Variants in RHPN2 observed in about 807,000 individuals in gnomAD.
The protein encoded by RHPN2 is rhophilin-2.
A neutral mutation model predicts 79.0 loss-of-function variants in RHPN2; 40 were observed. The ratio of observed to expected loss-of-function variants is 0.51; its 90% CI spans 0.39 to 0.66. The LOEUF is 0.66. Ranked by LOEUF, RHPN2 falls within the 30% of genes least tolerant of loss-of-function variation. The pLI is 0.00. For missense variants in RHPN2, 686 were observed against 883.5 expected (o/e 0.78, Z 2.83); for synonymous variants, 285 against 363.5 (o/e 0.78, Z 2.46).
chr19:33,036,588 G>A (rs1488469626), intron 2 of RHPN2, among the ~76,000 whole-genome samples: 1 of 152,180 alleles, frequency 6.6e-6, no homozygotes, highest in African/African-American at 2.4e-5. Flanking sequence ...GCCCCTTTCT[G>A]GGCTGGCCAA....
chr19:33,039,403 G>C (rs1568323377), intron 2 of RHPN2, among the ~76,000 whole-genome samples: 1 of 152,072 alleles, frequency 6.6e-6, no homozygotes, highest in African/African-American at 2.4e-5. Context: ...GACAGCCAAG[G>C]CCACCTCACG....
At chr19:32,981,118 C>G (rs1415878687) in intron 14 of RHPN2, among the ~76,000 whole-genome samples, 1 of 152,142 alleles carries the variant, frequency 6.6e-6, no homozygotes, top group Non-Finnish European at 1.5e-5. Context: ...AGCCACCACG[C>G]CCGGCCCAAC....
chr19:33,002,226 C>T, intron 9 of RHPN2, 21 bp downstream of exon 9: 1 of 1,611,142 alleles, frequency 6.2e-7, no homozygotes, highest in Non-Finnish European at 8.5e-7. Context: ...TCGCCAAACT[C>T]CCGAACCCCC....
chr19:33,042,526 C>T (rs958671002), intron 2 of RHPN2, among the ~76,000 whole-genome samples: 2 of 152,212 alleles, frequency 1.3e-5, no homozygotes, highest in African/African-American at 4.8e-5. Flanking sequence ...TTTTTCCCAG[C>T]CTCCTCCAGT....
intron 14 of RHPN2, among the ~76,000 whole-genome samples, chr19:32,983,682 C>T (rs1438010110): frequency 7.1e-6 from 1 of 141,002 alleles, no homozygotes. Context: ...GACTGGAGTG[C>T]AGTGGCCCAA....
At chr19:32,999,862 C>A (rs10412255) in intron 9 of RHPN2, among the ~76,000 whole-genome samples, 157 bp from the exon 10 acceptor site, 30,514 of 151,920 alleles carry the variant, frequency 0.2, 3,143 homozygotes, top group Middle Eastern at 0.29. Context: ...CACCCCAGGC[C>A]GTCTAACCCT....
intron 2 of RHPN2, among the ~76,000 whole-genome samples, chr19:33,037,604 A>G (rs1384266800): frequency 6.6e-6 from 1 of 152,172 alleles, no homozygotes; most frequent in East Asian, 1.9e-4. Context: ...ACCCACCGGG[A>G]GGAAGGAACA....
intron 7 of RHPN2, among the ~76,000 whole-genome samples, chr19:33,003,790 A>C (rs111413644): frequency 0.044 from 6,740 of 152,240 alleles, 190 homozygotes; most frequent in Non-Finnish European, 0.063. Context: ...CAGAAATAGA[A>C]AGGAGAATAG....
chr19:33,032,504 G>A (rs1207931366), intron 2 of RHPN2, among the ~76,000 whole-genome samples: 1 of 152,262 alleles, frequency 6.6e-6, no homozygotes, highest in South Asian at 2.1e-4. Flanking sequence ...CTCCCACCAA[G>A]AGTGATCTCA....
chr19:32,999,611 C>T lies in RHPN2; in HGVS notation c.1200G>A (p.Lys400=), dbSNP rs540380613. The change falls in exon 10 of 15, where the codon AAG becomes AAA. Residue 400 remains lysine (K), a synonymous_variant. Coordinates refer to ENST00000254260, the MANE Select transcript of RHPN2 (RefSeq NM_033103.5). ...CCAGCTGTCGGCGCTGCTGATCATT[C>T]TTCAGTGTGGCCAAGGGTGTCAGCC... The part of the protein sequence containing the change: ...PEGLTPLATL[K]NDQQRRQLGK... 1 of 1,612,868 alleles carries T rather than the reference C, an allele frequency of 6.2e-7. No homozygotes were observed. The highest frequency in any genetic ancestry group is 8.5e-7 in the Non-Finnish European group (1 of 1,179,236).
intron 14 of RHPN2, among the ~76,000 whole-genome samples, chr19:32,983,512 CA>C (rs765955793): frequency 6.6e-4 from 90 of 136,810 alleles, no homozygotes; most frequent in Non-Finnish European, 7.4e-4. Context: ...GAGACTGTCT[CA>C]AAAAAAAAAA....
intron 1 of RHPN2, among the ~76,000 whole-genome samples, chr19:33,047,878 C>T (rs1478269017): frequency 6.6e-6 from 1 of 152,008 alleles, no homozygotes; most frequent in African/African-American, 2.4e-5. Flanking sequence ...CGCCACTGCA[C>T]TCCAGCCTGG....
At chr19:32,987,039 G>A (rs911619687) in intron 14 of RHPN2, among the ~76,000 whole-genome samples, 1 of 151,550 alleles carries the variant, frequency 6.6e-6, no homozygotes, top group African/African-American at 2.4e-5. Flanking sequence ...ACCATGCCTC[G>A]CTAATTTTTT....
At chr19:33,018,237 G>T (rs1226134338) in intron 4 of RHPN2, among the ~76,000 whole-genome samples, 3 of 151,958 alleles carry the variant, frequency 2.0e-5, no homozygotes, top group Admixed American at 2.0e-4. Context: ...GCTGAGGAAG[G>T]AGAATCGCTT....
In RHPN2 at chr19:33,026,509, G is replaced by A. The variant is rs988692757; in HGVS notation, c.309C>T (p.Asn103=). 6.4e-6 allele frequency: 10 copies of A among 1,558,614 alleles called. No individual in the cohort carries two copies. In the Admixed American group the frequency reaches 9.1e-5, roughly 14 times the overall value. ...GLNISVGVYQ[N]TEEAFTIPLI... ...GGTGTGCTGCTCCCACTTACTCTGT[G>A]TTCTGATAGACGCCCACCGAGATGT... is the stretch of plus-strand genomic sequence containing the variant. The change falls in exon 3 of 15, where the codon AAC becomes AAT. Residue 103 remains asparagine (N), a synonymous_variant. Coordinates refer to ENST00000254260, the MANE Select transcript of RHPN2 (RefSeq NM_033103.5).
chr19:32,990,661 T>C lies in RHPN2; in HGVS notation c.1653A>G (p.Gly551=). 6.2e-7 allele frequency: 1 copy of C among 1,613,954 alleles called. No homozygotes were observed. The highest frequency in any genetic ancestry group is 8.5e-7 in the Non-Finnish European group (1 of 1,179,864). Reference sequence around the variant, plus strand: ...AGACAATATAATCTCCTTCCCGGGCTCCTGCCACCTGAAAAAGTATTGTTG... The same window carrying C: ...AGACAATATAATCTCCTTCCCGGGCCCCTGCCACCTGAAAAAGTATTGTTG... ...LDPYCSASVA[G]AREGDYIVSI... Residue 551 remains glycine, a synonymous_variant, in exon 14 of 15, where the codon GGA becomes GGG. Coordinates refer to ENST00000254260, the MANE Select transcript of RHPN2 (RefSeq NM_033103.5).
chr19:33,036,019 A>C (rs1037475754), intron 2 of RHPN2, among the ~76,000 whole-genome samples: 2 of 151,776 alleles, frequency 1.3e-5, no homozygotes, highest in African/African-American at 4.8e-5. Context: ...CGGCAAGCTG[A>C]GGCAGGAGAA....
intron 14 of RHPN2, among the ~76,000 whole-genome samples, chr19:32,981,887 C>A (rs1971578331): frequency 6.6e-6 from 1 of 151,802 alleles, no homozygotes; most frequent in Admixed American, 6.6e-5. Context: ...TACCATTAAA[C>A]ACTCTCTACT....
In RHPN2 at chr19:32,980,001, A is replaced by G. The variant is rs776208310; in HGVS notation, c.2056T>C (p.Tyr686His). The G allele has an allele frequency of 1.2e-5, 19 of 1,613,948 alleles. No individual in the cohort carries two copies. In the South Asian group the frequency reaches 2.1e-4, roughly 18 times the overall value. ...FSLLNSDSSW[Y>H] is the part of the protein sequence containing the mutation. ...AACATGTTTGTTTCCTCACATTAGT[A>G]CCAAGAACTGTCTGAGTTGAGAAGG... The change falls in exon 15 of 15, where the codon TAC becomes CAC. Residue 686 changes from tyrosine (Y) to histidine (H), a missense_variant. By Grantham distance (83) the Tyr-to-His change is moderately conservative (BLOSUM62 2). Transcript: ENST00000254260.
Sources: gnomAD v4.1 joint callset for allele counts (sites outside exome capture counted in the v4.1 genomes callset) on GRCh38, gnomAD v4.1.1 for gene constraint, MANE v1.5 for transcripts, NCBI Gene and HGNC (gene_info 2026-07-23, HGNC 2026-07-21) for gene names.